The following POC1B variants were observed in gnomAD, a reference collection of about 807,000 sequenced individuals.
The protein encoded by POC1B is POC1 centriolar protein homolog B.
Under a neutral mutation model 60.6 loss-of-function variants are expected in POC1B, and 44 were observed. The observed-to-expected ratio is 0.73, with a 90% CI of 0.57 to 0.93. The LOEUF (loss-of-function observed/expected upper bound fraction) is 0.93, where lower values mean the gene tolerates loss of function less well. Among genes scored for constraint, POC1B ranks in the 40% least tolerant of loss-of-function variants. The pLI is 0.00. For synonymous variants in POC1B, 180 were observed against 198.9 expected (o/e 0.90, Z 0.80); for missense variants, 555 against 572.3 (o/e 0.97, Z 0.31).
At chr12:89,504,819 A>G (rs1869819923) in intron 2 of POC1B, among the ~76,000 whole-genome samples, 1 of 152,234 alleles carries the variant, frequency 6.6e-6, no homozygotes, top group African/African-American at 2.4e-5. Context: ...GAATGCTACG[A>G]ATCAGCCAGG....
chr12:89,481,246 T>C (rs970403724), intron 4 of POC1B, among the ~76,000 whole-genome samples: 1 of 152,226 alleles, frequency 6.6e-6, no homozygotes, highest in African/African-American at 2.4e-5. Context: ...AATTAACTTG[T>C]CAGGTTCCAC....
chr12:89,442,702 A>G (rs1004019563), intron 10 of POC1B, among the ~76,000 whole-genome samples: 2 of 152,206 alleles, frequency 1.3e-5, no homozygotes, highest in African/African-American at 4.8e-5. Flanking sequence ...TCAACTAATG[A>G]GCAAAATAAC....
chr12:89,504,486 C>T (rs1288062834), intron 2 of POC1B, among the ~76,000 whole-genome samples: 1 of 152,108 alleles, frequency 6.6e-6, no homozygotes, highest in East Asian at 1.9e-4. Context: ...GCAGGGTCCT[C>T]TGCCTAGGAA....
chr12:89,482,988 AC>A lies in POC1B; in HGVS notation c.452+8947del, dbSNP rs1399089673. On this transcript the variant is annotated intron_variant, in intron 4 of 11. Coordinates refer to ENST00000313546, the MANE Select transcript of POC1B (RefSeq NM_172240.3). ...TGCCCAGGCTGGAGTGCAACGGCTC[AC>A]CTCAACCTCCACCTCCCAGGTTCAA... Among the ~76,000 whole-genome samples the A allele has an allele frequency of 4.0e-5, 6 of 148,322 alleles. No individual in the cohort carries two copies. The East Asian group carries it at 1.2e-3, about 29-fold the overall frequency.
chr12:89,512,669 C>T (rs1035281158), intron 2 of POC1B, among the ~76,000 whole-genome samples: 1 of 152,140 alleles, frequency 6.6e-6, no homozygotes, highest in Non-Finnish European at 1.5e-5. Context: ...GGGAGGCGGG[C>T]GGCTGGAGCT....
intron 2 of POC1B, chr12:89,524,554 A>G (rs747064422): frequency 6.2e-7 from 1 of 1,611,034 alleles, no homozygotes; most frequent in South Asian, 1.1e-5. Context: ...CGCCATCCGG[A>G]TTCTCAGGGC....
At chr12:89,483,425 G>T (rs971941552) in intron 4 of POC1B, among the ~76,000 whole-genome samples, 5 of 152,056 alleles carry the variant, frequency 3.3e-5, no homozygotes, top group African/African-American at 1.2e-4. Context: ...TATTAGTAGT[G>T]TGAGAACAAA....
intron 10 of POC1B, among the ~76,000 whole-genome samples, chr12:89,429,614 T>C (rs1402880369): frequency 6.6e-6 from 1 of 152,120 alleles, no homozygotes; most frequent in Non-Finnish European, 1.5e-5. Context: ...TATCATACAA[T>C]GATAAATGTA....
chr12:89,451,756 C>G (rs113899627), intron 10 of POC1B, among the ~76,000 whole-genome samples: 15 of 152,206 alleles, frequency 9.9e-5, no homozygotes, highest in African/African-American at 3.4e-4. Context: ...CTACTTTCAC[C>G]AAATAATTAA....
intron 2 of POC1B, among the ~76,000 whole-genome samples, chr12:89,507,283 A>C (rs1242754176): frequency 1.3e-5 from 2 of 150,628 alleles, no homozygotes; most frequent in East Asian, 1.9e-4. Flanking sequence ...AAAAAAAAAA[A>C]AAAAAAAAAC....
chr12:89,504,645 T>C (rs974360509), intron 2 of POC1B, among the ~76,000 whole-genome samples: 1 of 148,450 alleles, frequency 6.7e-6, no homozygotes, highest in Admixed American at 6.7e-5. Context: ...TTAATAAGTA[T>C]AGAGGAAAAG....
chr12:89,430,941 C>A (rs1455419171), intron 10 of POC1B, among the ~76,000 whole-genome samples: 3 of 151,992 alleles, frequency 2.0e-5, no homozygotes, highest in Non-Finnish European at 4.4e-5. Flanking sequence ...AAACTAATGC[C>A]ATTTTCTATT....
chr12:89,506,216 A>T (rs1416800293), intron 2 of POC1B, among the ~76,000 whole-genome samples: 2 of 152,262 alleles, frequency 1.3e-5, no homozygotes, highest in Non-Finnish European at 2.9e-5. Flanking sequence ...ACTGTGTTCA[A>T]ATCCATGCTG....
chr12:89,497,475 G>T, intron 2 of POC1B, 133 bp from the exon 3 acceptor site: 1 of 809,562 alleles, frequency 1.2e-6, no homozygotes, highest in Non-Finnish European at 1.9e-6. Flanking sequence ...AGGCTGCCCA[G>T]GTAATAGCCA....
intron 10 of POC1B, among the ~76,000 whole-genome samples, chr12:89,452,240 C>T (rs1443981133): frequency 6.6e-6 from 1 of 151,986 alleles, no homozygotes; most frequent in East Asian, 1.9e-4. Context: ...TGCAGTAGTC[C>T]GGGGCGTCAC....
chr12:89,412,499 T>G, the POC1B span, among the ~76,000 whole-genome samples: 11 of 151,636 alleles, frequency 7.3e-5, no homozygotes, highest in African/African-American at 2.7e-4. Context: ...GCCAACATGA[T>G]AAAACCTCGT....
At chr12:89,484,917 A>T (rs1031620516) in intron 4 of POC1B, among the ~76,000 whole-genome samples, 1 of 152,206 alleles carries the variant, frequency 6.6e-6, no homozygotes, top group African/African-American at 2.4e-5. Flanking sequence ...TCCTAACCTG[A>T]GAAAACTATC....
At chr12:89,429,348 C>G (rs550258481) in intron 10 of POC1B, 1 of 152,210 alleles carries the variant, frequency 6.6e-6, no homozygotes, top group East Asian at 1.9e-4. Flanking sequence ...ACCAACTAAC[C>G]CTGTCTTTAC....
intron 10 of POC1B, among the ~76,000 whole-genome samples, chr12:89,444,160 G>A (rs1213168303): frequency 1.3e-5 from 2 of 152,040 alleles, no homozygotes; most frequent in African/African-American, 2.4e-5. Flanking sequence ...TTTCACAGCC[G>A]AATTCTACCA....
Sources: gnomAD v4.1 joint callset for allele counts (sites outside exome capture counted in the v4.1 genomes callset) on GRCh38, gnomAD v4.1.1 for gene constraint, MANE v1.5 for transcripts, NCBI Gene and HGNC (gene_info 2026-07-23, HGNC 2026-07-21) for gene names.